The following FHOD3 variants were observed in gnomAD, a reference collection of about 807,000 sequenced individuals.
FHOD3 encodes formin homology 2 domain containing 3, also known as FH1/FH2 domain-containing protein 3.
In FHOD3, 90 loss-of-function variants were observed where a neutral mutation model predicts 173.0. That is an observed-to-expected ratio of 0.52 (90% confidence interval 0.44 to 0.62). FHOD3 has a LOEUF of 0.62. FHOD3 is among the 20% of genes least tolerant of loss of function. The pLI is 0.00. For synonymous variants in FHOD3, 828 were observed against 823.0 expected (o/e 1.01, Z -0.10); for missense variants, 1,945 against 2,034.7 (o/e 0.96, Z 0.85).
At chr18:36,551,720 G>C (rs1465915585) in intron 5 of FHOD3, among the ~76,000 whole-genome samples, 1 of 152,276 alleles carries the variant, frequency 6.6e-6, no homozygotes, top group East Asian at 1.9e-4. Flanking sequence ...CATATGGCTA[G>C]CCAGTTTTCC....
At chr18:36,578,188 T>A (rs2058725282) in intron 6 of FHOD3, among the ~76,000 whole-genome samples, 2 of 152,130 alleles carry the variant, frequency 1.3e-5, no homozygotes, top group Non-Finnish European at 2.9e-5. Flanking sequence ...TGAGACTGGG[T>A]AATTTATAAA....
rs1158012361 is a variant in FHOD3 at position 36,519,579 on chromosome 18, C to G, written c.511+7036C>G. ...TGGTCTGTGGCCTGATGGCTGTCAG[C>G]CCCCAGCACTGTGTGCAGGAGCACC... On this transcript the variant is annotated intron_variant, in intron 5 of 28. Coordinates refer to ENST00000590592, the MANE Select transcript of FHOD3 (RefSeq NM_001281740.3). Among the ~76,000 whole-genome samples the G allele has an allele frequency of 2.0e-5, 3 of 152,282 alleles. No homozygotes were observed. The East Asian group carries it at 5.8e-4, about 30-fold the overall frequency.
intron 3 of FHOD3, among the ~76,000 whole-genome samples, chr18:36,429,426 G>A (rs569941490): frequency 6.6e-6 from 1 of 152,314 alleles, no homozygotes; most frequent in Admixed American, 6.5e-5. Flanking sequence ...AAGGCTCCAG[G>A]TACGGGTGGG....
At chr18:36,763,626 G>A (rs1213145753) in intron 27 of FHOD3, among the ~76,000 whole-genome samples, 2 of 145,268 alleles carry the variant, frequency 1.4e-5, no homozygotes, top group African/African-American at 2.6e-5. Context: ...TATTATACAC[G>A]TTATATATAA....
intron 3 of FHOD3, among the ~76,000 whole-genome samples, chr18:36,404,140 C>T (rs1296172431): frequency 6.6e-6 from 1 of 152,210 alleles, no homozygotes; most frequent in African/African-American, 2.4e-5. Flanking sequence ...CTGACCCAGG[C>T]CTCTCTGACC....
chr18:36,523,070 C>T (rs1156702323), intron 5 of FHOD3, among the ~76,000 whole-genome samples: 4 of 152,178 alleles, frequency 2.6e-5, no homozygotes, highest in Non-Finnish European at 5.9e-5. Context: ...GCAGCTAGTA[C>T]TCCCTAGCCC....
At chr18:36,711,652 A>G (rs1009343824) in intron 18 of FHOD3, among the ~76,000 whole-genome samples, 19 of 152,188 alleles carry the variant, frequency 1.2e-4, no homozygotes, top group African/African-American at 4.1e-4. Flanking sequence ...TCCCTCTTAC[A>G]ACCAACATAG....
At chr18:36,720,750 TCTCCTC>T (rs1304417396) in intron 19 of FHOD3, among the ~76,000 whole-genome samples, 4 of 111,552 alleles carry the variant, frequency 3.6e-5, no homozygotes, top group African/African-American at 1.4e-4. Flanking sequence ...TCCTCCTTCT[TCTCCTC>T]CTGCTCCTTC....
chr18:36,396,847 T>A (rs1477515910), intron 3 of FHOD3, among the ~76,000 whole-genome samples: 10 of 150,646 alleles, frequency 6.6e-5, no homozygotes, highest in Non-Finnish European at 2.9e-5. Flanking sequence ...ATCAGTTTTC[T>A]TGAACTTTTA....
At chr18:36,746,310 C>T (rs746764015) in intron 23 of FHOD3, among the ~76,000 whole-genome samples, 42 of 152,302 alleles carry the variant, frequency 2.8e-4, no homozygotes, top group Admixed American at 9.8e-4. Context: ...TTGGGAATCA[C>T]CTGTGGGTAC....
At chr18:36,509,116 C>T (rs2055475532) in intron 4 of FHOD3, among the ~76,000 whole-genome samples, 2 of 152,142 alleles carry the variant, frequency 1.3e-5, no homozygotes, top group African/African-American at 4.8e-5. Context: ...GGCTACTGTA[C>T]AGGACAAATG....
chr18:36,425,730 A>G (rs1790649), intron 3 of FHOD3, among the ~76,000 whole-genome samples: 80,377 of 151,888 alleles, frequency 0.53, 21,385 homozygotes, highest in Middle Eastern at 0.63. Flanking sequence ...CCAGTCATGC[A>G]TATTTAATAT....
At chr18:36,630,755 T>C (rs1044716182) in intron 10 of FHOD3, among the ~76,000 whole-genome samples, 9 of 152,242 alleles carry the variant, frequency 5.9e-5, no homozygotes, top group Non-Finnish European at 1.0e-4. Flanking sequence ...TGGCTGCCGA[T>C]ACTTTCAACT....
intron 28 of FHOD3, among the ~76,000 whole-genome samples, chr18:36,769,670 A>C (rs1335715134): frequency 3.9e-5 from 6 of 152,124 alleles, no homozygotes; most frequent in Non-Finnish European, 8.8e-5. Context: ...CTCTCAATTC[A>C]TACTTTCTTC....
intron 5 of FHOD3, among the ~76,000 whole-genome samples, chr18:36,564,176 A>G (rs10502663): frequency 0.074 from 11,233 of 152,194 alleles, 528 homozygotes; most frequent in South Asian, 0.2. Flanking sequence ...TTTCTGGTTC[A>G]TTCCACCTGT....
intron 17 of FHOD3, among the ~76,000 whole-genome samples, chr18:36,700,604 C>G (rs1391864608): frequency 6.6e-6 from 1 of 152,154 alleles, no homozygotes; most frequent in East Asian, 1.9e-4. Context: ...CATCTCTGAT[C>G]TGGGCCATTT....
chr18:36,683,333 A>C (rs1032713791), intron 15 of FHOD3, among the ~76,000 whole-genome samples: 3 of 152,204 alleles, frequency 2.0e-5, no homozygotes, highest in Non-Finnish European at 4.4e-5. Flanking sequence ...CTTACATCCA[A>C]AGTGTTTTAT....
At chr18:36,515,990 C>G (rs901997192) in intron 5 of FHOD3, among the ~76,000 whole-genome samples, 1 of 152,206 alleles carries the variant, frequency 6.6e-6, no homozygotes, top group African/African-American at 2.4e-5. Context: ...AAAGTAACTT[C>G]TGAGGGATGG....
intron 3 of FHOD3, among the ~76,000 whole-genome samples, chr18:36,443,419 A>G (rs1225770018): frequency 2.6e-5 from 4 of 152,218 alleles, no homozygotes; most frequent in African/African-American, 9.7e-5. Flanking sequence ...CAGTATTATC[A>G]TCACTTATTT....
Sources: allele counts gnomAD v4.1 joint callset (sites outside exome capture counted in the v4.1 genomes callset), GRCh38; gene constraint gnomAD v4.1.1; transcripts MANE v1.5; gene names NCBI Gene and HGNC (gene_info 2026-07-23, HGNC 2026-07-21).